DGKB: variants seen among roughly 807,000 people sequenced by gnomAD.
DGKB encodes the protein 90 kDa diacylglycerol kinase.
DGKB carries 67 observed loss-of-function variants against 114.3 expected under a neutral mutation model. The observed-to-expected ratio is 0.59, with a 90% CI of 0.48 to 0.72. The LOEUF (loss-of-function observed/expected upper bound fraction) is 0.72. DGKB is among the 30% of genes least tolerant of loss of function. The probability of loss-of-function intolerance (pLI) is 0.00; values close to 1 mark genes in which losing one functional copy is unlikely to be tolerated. For missense variants in DGKB, 907 were observed against 975.2 expected (o/e 0.93, Z 0.93); for synonymous variants, 398 against 323.1 (o/e 1.23, Z -2.49).
rs1799823406 is a variant in DGKB, at chr7:14,580,877, G to A, written c.1594C>T (p.Leu532=). The A allele has an allele frequency of 1.2e-6, 2 of 1,602,532 alleles. No homozygotes were observed. Among genetic ancestry groups the A allele is most frequent in the Non-Finnish European group, 1.7e-6 (2 of 1,172,262 alleles). Reference sequence around the variant, plus strand: ...GCTGCTTTACCTCCTCCCCATCGCAGGCATCTTGCTAGATCATTGCCAGTC... The same window carrying A: ...GCTGCTTTACCTCCTCCCCATCGCAAGCATCTTGCTAGATCATTGCCAGTC... The part of the protein sequence containing the change: ...LGTGNDLARC[L]RWGGGYEGEN... The change falls in exon 19 of 26, where the codon CTG becomes TTG. Residue 532 remains leucine, a synonymous_variant. Coordinates refer to ENST00000402815, the MANE Select transcript of DGKB (RefSeq NM_001350709.2).
intron 25 of DGKB, among the ~76,000 whole-genome samples, chr7:14,161,585 A>G (rs977484045): frequency 2.0e-5 from 3 of 151,744 alleles, no homozygotes; most frequent in Non-Finnish European, 2.9e-5. Flanking sequence ...CAAACAGCAC[A>G]TGTTCTCACT....
intron 20 of DGKB, among the ~76,000 whole-genome samples, chr7:14,571,931 C>G (rs1000640167): frequency 2.0e-5 from 3 of 152,090 alleles, no homozygotes; most frequent in African/African-American, 7.2e-5. Context: ...CAATGATAAC[C>G]ACTGTGGGCA....
intron 21 of DGKB, among the ~76,000 whole-genome samples, chr7:14,373,328 A>G (rs1329622799): frequency 1.3e-5 from 2 of 152,186 alleles, no homozygotes; most frequent in African/African-American, 2.4e-5. Flanking sequence ...CAGTTGTTCC[A>G]CTTCCAAATT....
intron 14 of DGKB, among the ~76,000 whole-genome samples, chr7:14,624,964 C>T (rs531386592): frequency 6.6e-6 from 1 of 152,038 alleles, no homozygotes; most frequent in African/African-American, 2.4e-5. Context: ...TACCACTGAA[C>T]TCCATCCTGA....
chr7:14,344,071 T>C (rs1812074174), intron 22 of DGKB, among the ~76,000 whole-genome samples: 1 of 149,592 alleles, frequency 6.7e-6, no homozygotes, highest in South Asian at 2.1e-4. Flanking sequence ...TATAGTTATA[T>C]ATGTGTTATA....
At chr7:14,592,743 G>C (rs1801910541) in intron 17 of DGKB, among the ~76,000 whole-genome samples, 1 of 151,216 alleles carries the variant, frequency 6.6e-6, no homozygotes, top group Non-Finnish European at 1.5e-5. Flanking sequence ...TTACAAAATG[G>C]GGGAAAGGTT....
At chr7:14,430,237 G>A (rs890235216) in intron 21 of DGKB, among the ~76,000 whole-genome samples, 7 of 152,102 alleles carry the variant, frequency 4.6e-5, no homozygotes, top group Non-Finnish European at 7.4e-5. Context: ...GCCTTTAGAT[G>A]ATGCTATGAG....
chr7:14,713,117 C>T (rs1282074487), intron 6 of DGKB, among the ~76,000 whole-genome samples: 1 of 151,988 alleles, frequency 6.6e-6, no homozygotes, highest in African/African-American at 2.4e-5. Context: ...TATGCCCACA[C>T]ACGTATTTAG....
At chr7:14,947,021 T>G (rs558446514) in intron 1 of DGKB, among the ~76,000 whole-genome samples, 2 of 151,592 alleles carry the variant, frequency 1.3e-5, no homozygotes, top group South Asian at 4.1e-4. Flanking sequence ...TTTAAAAGAT[T>G]AATTAGCATA....
intron 20 of DGKB, among the ~76,000 whole-genome samples, chr7:14,484,300 T>C (rs77189188): frequency 0.04 from 6,147 of 152,248 alleles, 197 homozygotes; most frequent in African/African-American, 0.089. Context: ...GAAGGATTTA[T>C]TTTAACGCGA....
intron 13 of DGKB, among the ~76,000 whole-genome samples, chr7:14,633,412 A>G (rs1351448856): frequency 6.6e-6 from 1 of 151,912 alleles, no homozygotes; most frequent in African/African-American, 2.4e-5. Flanking sequence ...CAAGAATAAG[A>G]GTGACAAAAC....
chr7:14,306,608 A>T (rs1429370493), intron 23 of DGKB, among the ~76,000 whole-genome samples: 2 of 152,102 alleles, frequency 1.3e-5, no homozygotes, highest in Non-Finnish European at 2.9e-5. Context: ...TAATTGAAAT[A>T]AAGTGTTCCC....
chr7:14,197,661 T>G (rs766481613), intron 23 of DGKB, among the ~76,000 whole-genome samples: 19 of 152,152 alleles, frequency 1.2e-4, no homozygotes, highest in Non-Finnish European at 2.4e-4. Context: ...CCAGATAGTT[T>G]AAAGCTTCCA....
intron 25 of DGKB, among the ~76,000 whole-genome samples, chr7:14,167,171 A>G (rs1422808746): frequency 7.1e-6 from 1 of 141,198 alleles, no homozygotes; most frequent in Non-Finnish European, 1.5e-5. Flanking sequence ...ACTTCATGCC[A>G]CTGCACTCCA....
chr7:14,699,984 A>G (rs769385310), intron 7 of DGKB, among the ~76,000 whole-genome samples: 16 of 152,198 alleles, frequency 1.1e-4, no homozygotes, highest in Admixed American at 4.6e-4. Context: ...TCATCATTTT[A>G]ATTTAATTAA....
At chr7:14,158,273 C>A (rs1333935750) in intron 25 of DGKB, among the ~76,000 whole-genome samples, 2 of 152,206 alleles carry the variant, frequency 1.3e-5, no homozygotes, top group Non-Finnish European at 2.9e-5. Context: ...TTTCTGTGTT[C>A]CTTGGGTGGC....
intron 23 of DGKB, among the ~76,000 whole-genome samples, chr7:14,315,274 A>T (rs2128517005): frequency 6.6e-6 from 1 of 151,424 alleles, no homozygotes; most frequent in Non-Finnish European, 1.5e-5. Flanking sequence ...TCAAATTCAC[A>T]CATAACACTA....
intron 4 of DGKB, among the ~76,000 whole-genome samples, chr7:14,752,174 T>G (rs1384825287): frequency 6.6e-6 from 1 of 152,154 alleles, no homozygotes; most frequent in Non-Finnish European, 1.5e-5. Flanking sequence ...TGGAAAGGGT[T>G]GAATTTGGTT....
At chr7:14,911,926 G>T (rs1784024894) in intron 1 of DGKB, among the ~76,000 whole-genome samples, 1 of 152,132 alleles carries the variant, frequency 6.6e-6, no homozygotes, top group Non-Finnish European at 1.5e-5. Context: ...GCAGATGCCA[G>T]AAAAAAGGAA....
Sources: allele counts gnomAD v4.1 joint callset (sites outside exome capture counted in the v4.1 genomes callset), GRCh38; gene constraint gnomAD v4.1.1; transcripts MANE v1.5; gene names NCBI Gene and HGNC (gene_info 2026-07-23, HGNC 2026-07-21).